The following ADGRG1 variants were observed in gnomAD, a reference collection of about 807,000 sequenced individuals.
ADGRG1 encodes adhesion G protein-coupled receptor G1, also known as 7-transmembrane protein with no EGF-like N-terminal domains-1.
ADGRG1 carries 53 observed loss-of-function variants against 73.5 expected under a neutral mutation model. That is an observed-to-expected ratio of 0.72 (90% CI 0.58 to 0.91). The LOEUF (loss-of-function observed/expected upper bound fraction) is 0.91, where lower values mean the gene tolerates loss of function less well. Ranked by LOEUF, ADGRG1 falls within the 40% of genes least tolerant of loss-of-function variation. The pLI, the probability that ADGRG1 is intolerant of heterozygous loss-of-function variation, is 0.00. For synonymous variants in ADGRG1, 394 were observed against 374.4 expected (o/e 1.05, Z -0.60); for missense variants, 795 against 871.8 (o/e 0.91, Z 1.11).
intron 11 of ADGRG1, 55 bp from the exon 12 acceptor site, chr16:57,660,713 G>T: frequency 6.8e-7 from 1 of 1,469,608 alleles, no homozygotes; most frequent in Non-Finnish European, 9.4e-7. Flanking sequence ...GGCCAGCAGG[G>T]AATGGGCAGG....
At chr16:57,620,437 C>T (rs541978256), upstream of ADGRG1, among the ~76,000 whole-genome samples, 1 of 152,190 alleles carries the variant, frequency 6.6e-6, no homozygotes, top group Non-Finnish European at 1.5e-5. Context: ...CTGCAGGACG[C>T]AGGGCAAGGG....
At chr16:57,626,886 C>T (rs2035941665), upstream of ADGRG1, 6 of 983,710 alleles carry the variant, frequency 6.1e-6, no homozygotes, top group Non-Finnish European at 7.2e-6. Flanking sequence ...AGATAACTCA[C>T]TTGTCCTCCC....
upstream of ADGRG1, chr16:57,628,017 G>A: frequency 1.0e-6 from 1 of 985,344 alleles, no homozygotes; most frequent in Non-Finnish European, 1.2e-6. Flanking sequence ...GACTTGGGAT[G>A]TTGAAACTGT....
chr16:57,623,922 C>A, upstream of ADGRG1: 1 of 678,476 alleles, frequency 1.5e-6, no homozygotes, highest in Non-Finnish European at 1.8e-6. Flanking sequence ...TGCTGCAAAG[C>A]TTTGGGAAGT....
intron 1 of ADGRG1, chr16:57,632,361 G>A: frequency 1.0e-6 from 1 of 968,464 alleles, no homozygotes; most frequent in Non-Finnish European, 1.2e-6. Flanking sequence ...ACATGGGCCT[G>A]TGCCTCGGTT....
chr16:57,634,533 T>C, intron 1 of ADGRG1: 1 of 933,230 alleles, frequency 1.1e-6, no homozygotes, highest in Non-Finnish European at 1.3e-6. Context: ...TGAAACTTTA[T>C]CCACATTTCA....
At chr16:57,656,478 G>A (rs2045763245) in intron 8 of ADGRG1, 36 bp from the exon 9 acceptor site, 2 of 1,586,402 alleles carry the variant, frequency 1.3e-6, no homozygotes, top group South Asian at 1.1e-5. Flanking sequence ...CTGGAGGACT[G>A]GACTTGATTG....
At chr16:57,661,622 C>T (rs2047109329) in intron 12 of ADGRG1, 75 bp from the exon 13 acceptor site, 1 of 1,553,222 alleles carries the variant, frequency 6.4e-7, no homozygotes. Flanking sequence ...ATCCTGAAAA[C>T]AAACATGACA....
In ADGRG1 at chr16:57,663,622, G is replaced by C. The variant is rs767463133; in HGVS notation, c.*40G>C. 2.5e-6 allele frequency: 4 copies of C among 1,601,590 alleles called. No homozygotes were observed. In the South Asian group the frequency reaches 4.4e-5, roughly 18 times the overall value. On this transcript the variant is annotated 3_prime_UTR_variant, in exon 14 of 14. Transcript: ENST00000562631. The stretch of plus-strand genomic sequence containing the variant: ...TGCCCATGTGATGAAGCAGAGATTC[G>C]GCCTCGTCGCACACTGCCTGTGGCC...
In ADGRG1 at chr16:57,634,109, G is replaced by A. The variant is rs113713343; in HGVS notation, c.-36+5307G>A. On this transcript the variant is annotated intron_variant, in intron 1 of 13. Coordinates refer to ENST00000562631, the MANE Select transcript of ADGRG1 (RefSeq NM_201525.4). ...GGTTCCAGTCGAGCTGGTTTCCTGG[G>A]ACAGAACAGCACTGTGGTCACTTCT... The A allele has an allele frequency of 9.4e-3, 9,245 of 985,456 alleles. 42 individuals are homozygous for A. The highest frequency in any genetic ancestry group is 0.011 in the Non-Finnish European group (8,793 of 829,920). 61.0% of individuals were successfully genotyped at this position (985,456 alleles called of 1,614,324 possible).
chr16:57,655,029 A>G (rs1442075869), intron 5 of ADGRG1: 3 of 983,230 alleles, frequency 3.1e-6, no homozygotes, highest in Non-Finnish European at 2.4e-6. Flanking sequence ...CACACACCCC[A>G]TCTTGAGACT....
chr16:57,623,189 A>G, upstream of ADGRG1: 1 of 983,064 alleles, frequency 1.0e-6, no homozygotes, highest in Non-Finnish European at 1.2e-6. Context: ...TGCCTAGCAC[A>G]GGATAAGTGC....
At position 57,656,099 on chromosome 16, in the gene ADGRG1, T is replaced by TCGAG. The variant is rs1317461415; in HGVS notation, c.1017+109_1017+112dup. ...TCTTTATAATGAAACGATTGCCTGA[T>TCGAG]CGAGCAGTCAGGTCCAAATGGGGCG... On this transcript the variant is annotated intron_variant, in intron 7 of 13. Transcript: ENST00000562631. 1.5e-5 allele frequency: 25 copies of TCGAG among 1,613,260 alleles called. No homozygotes were observed. The Admixed American group carries it at 1.7e-4, about 11-fold the overall frequency.
chr16:57,650,953 C>T (rs1189409396), intron 2 of ADGRG1: 1 of 423,928 alleles, frequency 2.4e-6, no homozygotes, highest in Non-Finnish European at 3.2e-6. Context: ...CGTGATCCGC[C>T]CGCCTCAGCC....
At chr16:57,657,120 C>T (rs1472645916) in intron 9 of ADGRG1, among the ~76,000 whole-genome samples, 1 of 152,238 alleles carries the variant, frequency 6.6e-6, no homozygotes, top group African/African-American at 2.4e-5. Flanking sequence ...AATGCCAGGA[C>T]AGAATAGGGG....
At position 57,661,754 on chromosome 16, in the gene ADGRG1, G is replaced by C; in HGVS notation, c.1722G>C (p.Leu574=). ...TCACCAACCTGGGCCTCTTCAGCCT[G>C]GTGTTTCTGTTCAACATGGCCATGC... ...SYITNLGLFS[L]VFLFNMAMLA... Residue 574 remains leucine (L), a synonymous_variant, in exon 13 of 14, where the codon CTG becomes CTC. Coordinates refer to ENST00000562631, the MANE Select transcript of ADGRG1 (RefSeq NM_201525.4). The C allele has an allele frequency of 6.2e-7, 1 of 1,614,186 alleles. No homozygotes were observed. The highest frequency in any genetic ancestry group is 8.5e-7 in the Non-Finnish European group (1 of 1,180,024).
chr16:57,659,593 C>T lies in ADGRG1; in HGVS notation c.1467C>T (p.Leu489=), dbSNP rs1200876191. Residue 489 remains leucine (L), a synonymous_variant, in exon 11 of 14, where the codon CTC becomes CTT. Coordinates refer to ENST00000562631, the MANE Select transcript of ADGRG1 (RefSeq NM_201525.4). ...TCACCTGCCTTTCCTGGATGGGCCT[C>T]GAGGGGTACAACCTCTACCGACTCG... is the stretch of plus-strand genomic sequence containing the variant. ...SLLTCLSWMG[L]EGYNLYRLVV... 5.0e-6 allele frequency: 8 copies of T among 1,613,970 alleles called. No individual in the cohort carries two copies. The highest frequency in any genetic ancestry group is 3.3e-5 in the Admixed American group (2 of 60,018).
chr16:57,657,329 G>A, intron 9 of ADGRG1, 44 bp from the exon 10 acceptor site: 2 of 1,613,314 alleles, frequency 1.2e-6, no homozygotes, highest in African/African-American at 2.7e-5. Context: ...TCCAGGTTGT[G>A]TGGGGGACAC....
At chr16:57,646,841 A>G in intron 1 of ADGRG1, 1 of 834,016 alleles carries the variant, frequency 1.2e-6, no homozygotes, top group Non-Finnish European at 1.4e-6. Flanking sequence ...GGATGTCACC[A>G]CTAACATTAT....
Sources: gnomAD v4.1 joint callset for allele counts (sites outside exome capture counted in the v4.1 genomes callset) on GRCh38, gnomAD v4.1.1 for gene constraint, MANE v1.5 for transcripts, NCBI Gene and HGNC (gene_info 2026-07-23, HGNC 2026-07-21) for gene names.